The following MAST4 variants were observed in gnomAD, a reference collection of about 807,000 sequenced individuals.
MAST4 encodes the protein microtubule-associated serine/threonine-protein kinase 4.
In MAST4, 89 loss-of-function variants were observed where a neutral mutation model predicts 162.7. The ratio of observed to expected loss-of-function variants is 0.55; its 90% CI spans 0.46 to 0.65. The LOEUF is 0.65. Among genes scored for constraint, MAST4 ranks in the 30% least tolerant of loss-of-function variants. MAST4 has a pLI of 0.00. For synonymous variants in MAST4, 1,479 were observed against 1,361.1 expected, an observed-to-expected ratio of 1.09 and a Z score of -1.91; for missense variants, 3,153 against 3,374.0, an observed-to-expected ratio of 0.93 and a Z score of 1.62.
At chr5:67,109,515 G>A (rs915891295) in intron 10 of MAST4, among the ~76,000 whole-genome samples, 7 of 151,972 alleles carry the variant, frequency 4.6e-5, no homozygotes, top group African/African-American at 1.7e-4. Context: ...CAAAAGACTT[G>A]TGGTCCCAAG....
intron 5 of MAST4, among the ~76,000 whole-genome samples, chr5:67,076,867 C>T (rs1761716769): frequency 6.6e-6 from 1 of 152,236 alleles, no homozygotes; most frequent in African/African-American, 2.4e-5. Flanking sequence ...CCGCCACAGA[C>T]TAGTTAGCAA....
chr5:66,698,237 A>T (rs1479880487), intron 1 of MAST4, among the ~76,000 whole-genome samples: 1 of 152,040 alleles, frequency 6.6e-6, no homozygotes, highest in Non-Finnish European at 1.5e-5. Context: ...GCAGCTGAGT[A>T]TCTTGGAGAC....
rs752992977 is a variant in MAST4 at position 67,164,215 on chromosome 5, T to C, written c.5036T>C (p.Leu1679Ser). 2.5e-6 allele frequency: 4 copies of C among 1,613,680 alleles called. No individual in the cohort carries two copies. The highest frequency in any genetic ancestry group is 3.4e-6 in the Non-Finnish European group (4 of 1,179,764). The change falls in exon 29 of 29, where the codon TTA becomes TCA. Residue 1679 changes from leucine (L) to serine (S), a missense_variant. Transcript: ENST00000403625. The surrounding 1 kb of genome is among the most constrained non-coding windows in gnomAD (Gnocchi z 5.3). ...AAGGAGCTTCTCCGATGTGAAAAGT[T>C]AGACAGCAAGCTGGCCAACATCGAT... ...QAKELLRCEKLDSKLANIDYL... is the reference protein window; with the variant it reads ...QAKELLRCEKSDSKLANIDYL...
intron 1 of MAST4, among the ~76,000 whole-genome samples, chr5:66,711,708 G>T (rs183735349): frequency 6.6e-6 from 1 of 152,108 alleles, no homozygotes; most frequent in African/African-American, 2.4e-5. Context: ...GGTGGTGGGC[G>T]TCTGTAATCC....
At chr5:66,851,192 T>TAG (rs1237697730) in intron 3 of MAST4, among the ~76,000 whole-genome samples, 1 of 152,250 alleles carries the variant, frequency 6.6e-6, no homozygotes. Flanking sequence ...CTTATCTGTC[T>TAG]ATTATGTCCA....
chr5:67,061,766 T>G (rs985004339), intron 5 of MAST4, among the ~76,000 whole-genome samples: 8 of 151,792 alleles, frequency 5.3e-5, no homozygotes, highest in African/African-American at 7.3e-5. Flanking sequence ...TTTCATACTC[T>G]TAGTCTGTCA....
rs1482188786 is a variant in MAST4, at chr5:67,167,262, TACAAAAAAAAAAAA to T, written c.*213_*226del. On this transcript the variant is annotated 3_prime_UTR_variant, in exon 29 of 29. Coordinates refer to ENST00000403625, the MANE Select transcript of MAST4 (RefSeq NM_001164664.2). ...TAAAACTGTTACCAGATAGTGTTTG[TACAAAAAAAAAAAA>T]AAAAAAAAAAAAAAAAATTACCTTT... The T allele has an allele frequency of 9.1e-6, 1 of 109,578 alleles. No homozygotes were observed. The highest frequency in any genetic ancestry group is 1.9e-4 in the Admixed American group (1 of 5,290). 6.8% of individuals were successfully genotyped at this position (109,578 alleles called of 1,614,324 possible). A position where few individuals can be genotyped will look rare whatever the true frequency, so the allele number is the denominator to read the frequency against.
intron 5 of MAST4, among the ~76,000 whole-genome samples, chr5:67,078,863 AAT>A (rs534926484): frequency 3.4e-4 from 32 of 95,318 alleles, no homozygotes; most frequent in African/African-American, 8.5e-4. Flanking sequence ...TATTTATATA[AAT>A]ATATATTTAT....
chr5:66,788,603 C>T (rs1047541227), intron 2 of MAST4, 67 bp from the exon 3 acceptor site: 6 of 1,320,740 alleles, frequency 4.5e-6, no homozygotes, highest in South Asian at 1.2e-5. Context: ...CCCACCCCCA[C>T]CCCCATTGCA....
At chr5:66,691,908 G>A (rs1561265481) in intron 1 of MAST4, among the ~76,000 whole-genome samples, 1 of 152,090 alleles carries the variant, frequency 6.6e-6, no homozygotes, top group African/African-American at 2.4e-5. Flanking sequence ...AGTGTCCTAG[G>A]CTAAGAGTTT....
chr5:67,100,405 G>A (rs1419053662), intron 7 of MAST4, 30 bp from the exon 8 acceptor site: 1 of 1,612,352 alleles, frequency 6.2e-7, no homozygotes. Flanking sequence ...TTCTGAGGTA[G>A]TTATGTGACC....
chr5:66,793,432 G>A (rs1423546935), intron 3 of MAST4, among the ~76,000 whole-genome samples: 6 of 152,186 alleles, frequency 3.9e-5, no homozygotes, highest in African/African-American at 7.2e-5. Context: ...ACACACATGG[G>A]TAGTTTATCA....
chr5:66,634,615 G>C (rs116800435), intron 1 of MAST4, among the ~76,000 whole-genome samples: 1 of 152,152 alleles, frequency 6.6e-6, no homozygotes, highest in Admixed American at 6.5e-5. Context: ...GGGGACTGCT[G>C]TAGGTGCTTT....
intron 1 of MAST4, among the ~76,000 whole-genome samples, chr5:66,758,253 A>C (rs140089362): frequency 6.6e-6 from 1 of 152,092 alleles, no homozygotes; most frequent in East Asian, 1.9e-4. Context: ...GAATACAGTT[A>C]TGCTTAGGGG....
intron 4 of MAST4, among the ~76,000 whole-genome samples, chr5:66,993,976 A>G (rs955346005): frequency 1.6e-4 from 20 of 128,260 alleles, no homozygotes; most frequent in African/African-American, 4.8e-4. Context: ...AGATGATTCA[A>G]TGATGATAAG....
intron 1 of MAST4, among the ~76,000 whole-genome samples, chr5:66,663,727 C>T (rs977896661): frequency 1.1e-4 from 16 of 151,848 alleles, no homozygotes; most frequent in Admixed American, 6.6e-4. Flanking sequence ...TTATATAGGA[C>T]CTGTGGGCCA....
intron 4 of MAST4, among the ~76,000 whole-genome samples, chr5:66,952,905 A>T (rs182273957): frequency 4.2e-4 from 64 of 152,280 alleles, no homozygotes; most frequent in African/African-American, 1.5e-3. Context: ...AGTACCTGTC[A>T]TTATCAGAAA....
chr5:67,093,365 C>T lies in MAST4; in HGVS notation c.834-2232C>T, dbSNP rs988671718. 3.3e-5 allele frequency among the ~76,000 whole-genome samples: 5 copies of T among 152,150 alleles called. No individual in the cohort carries two copies. In the South Asian group the frequency reaches 6.2e-4, roughly 19 times the overall value. On this transcript the variant is annotated intron_variant, in intron 6 of 28. Coordinates refer to ENST00000403625, the MANE Select transcript of MAST4 (RefSeq NM_001164664.2). ...GGTAACTACTGCAAAGAAAAGACAA[C>T]ATTGTTAGCAGGATTGTACTTGTGT...
rs79631291 is a variant in MAST4 at position 66,874,937 on chromosome 5, G to A, written c.643-25014G>A. ...CACTGTTCACAGGGGACAAGAAGCT[G>A]CCTTGGCCAGAGTTCATAGTTGCAT... On this transcript the variant is annotated intron_variant, in intron 3 of 28. Transcript: ENST00000403625. Among the ~76,000 whole-genome samples the A allele has an allele frequency of 1.4e-3, 209 of 152,266 alleles. 1 individual carries two copies. Among genetic ancestry groups the A allele is most frequent in the African/African-American group, 4.9e-3 (202 of 41,560 alleles).
Sources: gnomAD v4.1 joint callset for allele counts (sites outside exome capture counted in the v4.1 genomes callset) on GRCh38, gnomAD v4.1.1 for gene constraint, Gnocchi (gnomAD v3.1) non-coding constraint, MANE v1.5 for transcripts, NCBI Gene and HGNC (gene_info 2026-07-23, HGNC 2026-07-21) for gene names.